ATRNL1: variants seen among roughly 807,000 people sequenced by gnomAD.
ATRNL1 encodes the protein attractin-like protein 1.
ATRNL1 carries 95 observed loss-of-function variants against 182.7 expected under a neutral mutation model. That is an observed-to-expected ratio of 0.52 (90% CI 0.44 to 0.62). The LOEUF (loss-of-function observed/expected upper bound fraction) is 0.62. Ranked by LOEUF, ATRNL1 falls within the 20% of genes least tolerant of loss-of-function variation. ATRNL1 has a pLI of 0.00. For synonymous variants in ATRNL1, 576 were observed against 568.3 expected (o/e 1.01, Z -0.19); for missense variants, 1,471 against 1,679.5 (o/e 0.88, Z 2.17).
chr10:115,864,360 G>GA (rs1267281672), intron 28 of ATRNL1, among the ~76,000 whole-genome samples: 6 of 151,870 alleles, frequency 4.0e-5, no homozygotes, highest in Admixed American at 2.0e-4. Context: ...AAGGGAAATA[G>GA]AAAAATCACC....
At chr10:115,124,971 T>C (rs782259302) in intron 3 of ATRNL1, among the ~76,000 whole-genome samples, 9 of 152,194 alleles carry the variant, frequency 5.9e-5, no homozygotes, top group Non-Finnish European at 1.0e-4. Context: ...TAATCCTTCA[T>C]GTTGACTTTC....
chr10:115,918,044 A>G (rs1952926948), intron 28 of ATRNL1, among the ~76,000 whole-genome samples: 1 of 152,280 alleles, frequency 6.6e-6, no homozygotes, highest in South Asian at 2.1e-4. Context: ...AAATAAAAAA[A>G]AATCTCAGAT....
At chr10:115,366,374 G>T (rs1857038129) in intron 19 of ATRNL1, among the ~76,000 whole-genome samples, 1 of 151,862 alleles carries the variant, frequency 6.6e-6, no homozygotes. Context: ...TTGCTTGGTA[G>T]ATCTTCCTCC....
intron 27 of ATRNL1, among the ~76,000 whole-genome samples, chr10:115,767,800 T>C (rs1948894130): frequency 6.6e-6 from 1 of 152,220 alleles, no homozygotes; most frequent in Non-Finnish European, 1.5e-5. Flanking sequence ...TTTAACTTAA[T>C]GTATCATAGT....
At chr10:115,556,101 T>G (rs1231604612) in intron 26 of ATRNL1, among the ~76,000 whole-genome samples, 2 of 152,030 alleles carry the variant, frequency 1.3e-5, no homozygotes, top group African/African-American at 2.4e-5. Context: ...CCACTTATAA[T>G]GTAACTTATG....
In ATRNL1 at chr10:115,179,222, T is replaced by A. The variant is rs891246141; in HGVS notation, c.1348+7930T>A. 2.0e-5 allele frequency among the ~76,000 whole-genome samples: 3 copies of A among 152,278 alleles called. No individual in the cohort carries two copies. In the South Asian group the frequency reaches 6.2e-4, roughly 32 times the overall value. On this transcript the variant is annotated intron_variant, in intron 8 of 28. Coordinates refer to ENST00000355044, the MANE Select transcript of ATRNL1 (RefSeq NM_207303.4). ...GATGTCCTCTATTTGTCTCTCCACA[T>A]CTACCTTTTATTTTTTTCCATCCTG...
chr10:115,738,205 C>T (rs1555066607), intron 27 of ATRNL1, among the ~76,000 whole-genome samples: 2 of 124,566 alleles, frequency 1.6e-5, no homozygotes, highest in Middle Eastern at 6.4e-3. Flanking sequence ...CTGGCACGAT[C>T]TCGGCTCACT....
chr10:115,461,912 C>T (rs1847817209), intron 21 of ATRNL1, 29 bp from the exon 22 acceptor site: 2 of 1,523,446 alleles, frequency 1.3e-6, no homozygotes, highest in Non-Finnish European at 1.8e-6. Flanking sequence ...AAGTACATAT[C>T]AGGATTGTAC....
chr10:115,559,456 G>GCGCA (rs782689760), intron 26 of ATRNL1, among the ~76,000 whole-genome samples: 1,514 of 147,800 alleles, frequency 0.01, 15 homozygotes, highest in Non-Finnish European at 0.016. Context: ...GCGCGCGCAC[G>GCGCA]CACGCACATG....
chr10:115,665,130 T>A (rs187666455), intron 26 of ATRNL1, among the ~76,000 whole-genome samples: 1 of 152,248 alleles, frequency 6.6e-6, no homozygotes, highest in East Asian at 1.9e-4. Context: ...GCAATATGTT[T>A]GTTGTTGTGG....
chr10:115,555,509 A>G (rs1015042381), intron 26 of ATRNL1, among the ~76,000 whole-genome samples: 51 of 151,920 alleles, frequency 3.4e-4, no homozygotes, highest in African/African-American at 1.0e-3. Flanking sequence ...GTAACTGAAA[A>G]AAAGAATGAG....
intron 22 of ATRNL1, among the ~76,000 whole-genome samples, chr10:115,465,035 G>T (rs1847988025): frequency 6.6e-6 from 1 of 151,644 alleles, no homozygotes; most frequent in South Asian, 2.1e-4. Context: ...ACGCTCACAA[G>T]AGCTTCTTGA....
intron 27 of ATRNL1, among the ~76,000 whole-genome samples, chr10:115,743,280 A>G (rs117889045): frequency 6.0e-5 from 9 of 149,760 alleles, no homozygotes; most frequent in South Asian, 2.1e-4. Flanking sequence ...ATAATGTACT[A>G]TATACCCTAC....
At chr10:115,367,692 T>A (rs1437013883) in intron 19 of ATRNL1, among the ~76,000 whole-genome samples, 2 of 124,948 alleles carry the variant, frequency 1.6e-5, no homozygotes, top group African/African-American at 5.2e-5. Context: ...TACATATGGG[T>A]TTTTGGTGTG....
chr10:115,421,953 C>A (rs868958001), intron 20 of ATRNL1, among the ~76,000 whole-genome samples: 4 of 152,208 alleles, frequency 2.6e-5, no homozygotes, highest in Middle Eastern at 6.8e-3. Context: ...TGAAAGGACT[C>A]CCTATTCAAT....
chr10:115,311,032 T>C (rs1480875769), intron 17 of ATRNL1, among the ~76,000 whole-genome samples: 1 of 151,814 alleles, frequency 6.6e-6, no homozygotes, highest in Non-Finnish European at 1.5e-5. Context: ...TTTTGCAGAA[T>C]TTAAAACTTT....
chr10:115,788,635 G>A (rs557628038), intron 27 of ATRNL1, among the ~76,000 whole-genome samples: 10 of 152,156 alleles, frequency 6.6e-5, no homozygotes, highest in Non-Finnish European at 1.2e-4. Flanking sequence ...TAGTGCCCAC[G>A]GCTAATTACA....
chr10:115,560,408 A>G (rs1167953467), intron 26 of ATRNL1, among the ~76,000 whole-genome samples: 1 of 152,184 alleles, frequency 6.6e-6, no homozygotes, highest in Non-Finnish European at 1.5e-5. Flanking sequence ...GGTCCCTGCT[A>G]TGACAGGTGG....
chr10:115,803,755 A>G (rs1555085006), intron 27 of ATRNL1, among the ~76,000 whole-genome samples: 2 of 152,100 alleles, frequency 1.3e-5, no homozygotes, highest in Admixed American at 1.3e-4. Flanking sequence ...TTACTAACAT[A>G]TAAATAAACT....
Sources: gnomAD v4.1 joint callset for allele counts (sites outside exome capture counted in the v4.1 genomes callset) on GRCh38, gnomAD v4.1.1 for gene constraint, MANE v1.5 for transcripts, NCBI Gene and HGNC (gene_info 2026-07-23, HGNC 2026-07-21) for gene names.